The following HPSE2 variants were observed in gnomAD, a reference collection of about 807,000 sequenced individuals.
HPSE2 encodes the protein heparanase 2 (inactive), also known as inactive heparanase-2.
Under a neutral mutation model 60.5 loss-of-function variants are expected in HPSE2, and 38 were observed. That is an observed-to-expected ratio of 0.63 (90% CI 0.48 to 0.82). The LOEUF (loss-of-function observed/expected upper bound fraction) is 0.82. Among genes scored for constraint, HPSE2 ranks in the 40% least tolerant of loss-of-function variants. HPSE2 has a pLI of 0.00. For missense variants in HPSE2, 713 were observed against 740.4 expected (o/e 0.96, Z 0.43); for synonymous variants, 295 against 293.2 (o/e 1.01, Z -0.06).
intron 3 of HPSE2, among the ~76,000 whole-genome samples, chr10:99,114,682 A>G (rs1844602309): frequency 6.6e-6 from 1 of 152,132 alleles, no homozygotes; most frequent in Non-Finnish European, 1.5e-5. Flanking sequence ...TGGGGGGCTG[A>G]GACGGGTGGA....
At chr10:98,763,956 T>C (rs1950063154) in intron 3 of HPSE2, among the ~76,000 whole-genome samples, 1 of 152,110 alleles carries the variant, frequency 6.6e-6, no homozygotes, top group Non-Finnish European at 1.5e-5. Context: ...TCTCAAATAA[T>C]TTAAAAGATG....
At chr10:99,261,598 C>T in the HPSE2 span, among the ~76,000 whole-genome samples, 3 of 152,154 alleles carry the variant, frequency 2.0e-5, no homozygotes, top group African/African-American at 7.2e-5. Flanking sequence ...GGCCAGAAGG[C>T]CGTCTTATTC....
At chr10:98,574,164 T>G (rs1944578928) in intron 9 of HPSE2, among the ~76,000 whole-genome samples, 1 of 152,126 alleles carries the variant, frequency 6.6e-6, no homozygotes, top group South Asian at 2.1e-4. Flanking sequence ...TGTGACTGGC[T>G]TCTTTCACTT....
chr10:99,177,419 G>A (rs778180584), intron 2 of HPSE2, among the ~76,000 whole-genome samples: 1 of 151,982 alleles, frequency 6.6e-6, no homozygotes, highest in African/African-American at 2.4e-5. Context: ...TAAATGGATG[G>A]AGAAATATTT....
intron 3 of HPSE2, among the ~76,000 whole-genome samples, chr10:99,107,075 T>A (rs1378032507): frequency 6.6e-6 from 1 of 152,170 alleles, no homozygotes; most frequent in African/African-American, 2.4e-5. Context: ...TTCATCATGT[T>A]GGCTGGGCTG....
intron 3 of HPSE2, among the ~76,000 whole-genome samples, chr10:99,098,687 G>C (rs1843813353): frequency 6.6e-6 from 1 of 152,056 alleles, no homozygotes; most frequent in Non-Finnish European, 1.5e-5. Flanking sequence ...ATTACACATA[G>C]AAAATATGTT....
intron 6 of HPSE2, among the ~76,000 whole-genome samples, chr10:98,678,603 T>G (rs1947706764): frequency 6.6e-6 from 1 of 151,982 alleles, no homozygotes; most frequent in African/African-American, 2.4e-5. Context: ...CCTAATGAAC[T>G]TCTTAAAAAT....
At chr10:98,980,960 T>C (rs899409534) in intron 3 of HPSE2, among the ~76,000 whole-genome samples, 13 of 152,272 alleles carry the variant, frequency 8.5e-5, no homozygotes, top group African/African-American at 2.9e-4. Flanking sequence ...TGATAAGATA[T>C]TATAATAAGA....
At chr10:98,496,930 T>G (rs116369695) in intron 9 of HPSE2, among the ~76,000 whole-genome samples, 1,731 of 152,270 alleles carry the variant, frequency 0.011, 33 homozygotes, top group African/African-American at 0.039. Flanking sequence ...AATATTTTTC[T>G]CTTGGTTTCT....
chr10:98,795,624 A>C (rs1056177247), intron 3 of HPSE2, among the ~76,000 whole-genome samples: 1 of 152,064 alleles, frequency 6.6e-6, no homozygotes, highest in Non-Finnish European at 1.5e-5. Flanking sequence ...TTCCTAGGCA[A>C]CTCCTAGAGC....
chr10:98,862,106 G>A (rs1315536225), intron 3 of HPSE2, among the ~76,000 whole-genome samples: 2 of 152,150 alleles, frequency 1.3e-5, no homozygotes, highest in Admixed American at 6.6e-5. Flanking sequence ...TACTGGCTGC[G>A]CTGAAACCAA....
chr10:98,789,353 C>G (rs1454720590), intron 3 of HPSE2, among the ~76,000 whole-genome samples: 1 of 152,050 alleles, frequency 6.6e-6, no homozygotes, highest in Admixed American at 6.6e-5. Context: ...GAATGAGTTC[C>G]TTGAGAGGAT....
At chr10:98,551,802 T>C (rs970773242) in intron 9 of HPSE2, among the ~76,000 whole-genome samples, 1 of 152,210 alleles carries the variant, frequency 6.6e-6, no homozygotes, top group African/African-American at 2.4e-5. Flanking sequence ...AACCAAAGTA[T>C]CCTAATTGAT....
intron 7 of HPSE2, among the ~76,000 whole-genome samples, chr10:98,623,763 T>A (rs900371252): frequency 6.6e-6 from 1 of 152,222 alleles, no homozygotes; most frequent in Admixed American, 6.5e-5. Flanking sequence ...TTTATAATGC[T>A]AATGTAGATT....
intron 6 of HPSE2, among the ~76,000 whole-genome samples, chr10:98,648,617 CA>C (rs1474230046): frequency 2.6e-5 from 4 of 151,416 alleles, no homozygotes; most frequent in East Asian, 1.9e-4. Flanking sequence ...CTCGTCTCTA[CA>C]AAAAATAAAA....
the HPSE2 span, among the ~76,000 whole-genome samples, chr10:99,273,912 T>G: frequency 7.9e-5 from 12 of 152,208 alleles, no homozygotes; most frequent in Non-Finnish European, 1.8e-4. Context: ...CTATCTCTGC[T>G]GCCAGGGACA....
chr10:98,586,602 T>C (rs1944947323), intron 9 of HPSE2, among the ~76,000 whole-genome samples: 1 of 152,218 alleles, frequency 6.6e-6, no homozygotes, highest in African/African-American at 2.4e-5. Context: ...TGTTATATTC[T>C]AGCTAGAAAG....
intron 3 of HPSE2, among the ~76,000 whole-genome samples, chr10:99,016,436 T>C (rs920924446): frequency 1.2e-4 from 19 of 152,112 alleles, no homozygotes; most frequent in African/African-American, 4.3e-4. Flanking sequence ...GTTACTGTAG[T>C]CCTGTGGTAT....
chr10:98,851,206 G>T (rs78380716), intron 3 of HPSE2, among the ~76,000 whole-genome samples: 79 of 152,274 alleles, frequency 5.2e-4, no homozygotes, highest in Non-Finnish European at 8.8e-4. Context: ...TAGAATATTT[G>T]AAGTGAATCT....
Sources: allele counts gnomAD v4.1 joint callset (sites outside exome capture counted in the v4.1 genomes callset), GRCh38; gene constraint gnomAD v4.1.1; transcripts MANE v1.5; gene names NCBI Gene and HGNC (gene_info 2026-07-23, HGNC 2026-07-21).